The following HS6ST3 variants were observed in gnomAD, a reference collection of about 807,000 sequenced individuals.
HS6ST3 encodes the protein heparan sulfate 6-O-sulfotransferase 3.
HS6ST3 carries 12 observed loss-of-function variants against 36.7 expected under a neutral mutation model. The observed-to-expected ratio is 0.33, with a 90% CI of 0.21 to 0.53. The LOEUF (loss-of-function observed/expected upper bound fraction) is 0.53, where lower values mean the gene tolerates loss of function less well. Ranked by LOEUF, HS6ST3 falls within the 20% of genes least tolerant of loss-of-function variation. The pLI is 0.95. For missense variants in HS6ST3, 584 were observed against 640.9 expected (o/e 0.91, Z 0.96); for synonymous variants, 240 against 257.5 (o/e 0.93, Z 0.65).
chr13:96,108,122 A>G (rs938766763), intron 1 of HS6ST3, among the ~76,000 whole-genome samples: 25 of 152,226 alleles, frequency 1.6e-4, no homozygotes. Flanking sequence ...ATATCGCTGA[A>G]TTATTTCCCT....
intron 1 of HS6ST3, among the ~76,000 whole-genome samples, chr13:96,753,499 A>T (rs1221415520): frequency 6.6e-6 from 1 of 152,118 alleles, no homozygotes; most frequent in Non-Finnish European, 1.5e-5. Context: ...TTTGTTAACT[A>T]TACTTTCTTT....
At chr13:96,494,573 A>G (rs1484856113) in intron 1 of HS6ST3, among the ~76,000 whole-genome samples, 1 of 151,878 alleles carries the variant, frequency 6.6e-6, no homozygotes, top group East Asian at 1.9e-4. Flanking sequence ...CGATGTACCT[A>G]CTTAATCACA....
At chr13:96,601,638 A>G (rs752431985) in intron 1 of HS6ST3, among the ~76,000 whole-genome samples, 2 of 152,182 alleles carry the variant, frequency 1.3e-5, no homozygotes, top group Non-Finnish European at 2.9e-5. Context: ...ATTTGAATCT[A>G]CTGCTGGAGA....
chr13:96,384,387 A>G (rs147869356), intron 1 of HS6ST3, among the ~76,000 whole-genome samples: 18 of 152,282 alleles, frequency 1.2e-4, no homozygotes, highest in African/African-American at 4.3e-4. Context: ...ATATCCAAGA[A>G]TGTCAAGTAT....
chr13:96,306,339 T>G lies in HS6ST3; in HGVS notation c.707+214770T>G, dbSNP rs553832657. Among the ~76,000 whole-genome samples the G allele has an allele frequency of 2.6e-5, 4 of 152,106 alleles. No homozygotes were observed. In the South Asian group the frequency reaches 8.3e-4, roughly 32 times the overall value. On this transcript the variant is annotated intron_variant, in intron 1 of 1. Transcript: ENST00000376705. ...GGATAGTCTTGATCTCTTGATCTTG[T>G]GATCTGCCCACCTCGGCCTCCCAAA... is the stretch of plus-strand genomic sequence containing the variant.
intron 1 of HS6ST3, among the ~76,000 whole-genome samples, chr13:96,200,016 C>T (rs2054333463): frequency 6.6e-6 from 1 of 152,108 alleles, no homozygotes; most frequent in African/African-American, 2.4e-5. Context: ...TTTCGAGTCT[C>T]CAAATAGAAT....
In HS6ST3 at chr13:96,155,867, A is replaced by C. The variant is rs1287786914; in HGVS notation, c.707+64298A>C. 2.0e-5 allele frequency among the ~76,000 whole-genome samples: 3 copies of C among 152,208 alleles called. No homozygotes were observed. The East Asian group carries it at 5.8e-4, about 29-fold the overall frequency. ...TGGTAAATAAGTCACAGAGTTATGA[A>C]ACTTTTTTTTAAAGCTTACTGAAGA... is the stretch of plus-strand genomic sequence containing the variant. On this transcript the variant is annotated intron_variant, in intron 1 of 1. Coordinates refer to ENST00000376705, the MANE Select transcript of HS6ST3 (RefSeq NM_153456.4).
At chr13:96,343,169 C>A (rs1471875650) in intron 1 of HS6ST3, among the ~76,000 whole-genome samples, 2 of 152,228 alleles carry the variant, frequency 1.3e-5, no homozygotes, top group African/African-American at 4.8e-5. Flanking sequence ...TACCCTTTAT[C>A]CCTCCTGTAT....
At chr13:96,733,469 T>C (rs1876209235) in intron 1 of HS6ST3, among the ~76,000 whole-genome samples, 1 of 152,226 alleles carries the variant, frequency 6.6e-6, no homozygotes, top group Non-Finnish European at 1.5e-5. Flanking sequence ...AGCCATGTTC[T>C]CCAGTCATTT....
intron 1 of HS6ST3, among the ~76,000 whole-genome samples, chr13:96,587,498 G>T (rs1292983371): frequency 6.6e-6 from 1 of 152,172 alleles, no homozygotes; most frequent in South Asian, 2.1e-4. Context: ...GAAGTTCAAG[G>T]TTGGGCAACT....
intron 1 of HS6ST3, among the ~76,000 whole-genome samples, chr13:96,382,124 G>A (rs936381348): frequency 6.6e-6 from 1 of 152,120 alleles, no homozygotes; most frequent in African/African-American, 2.4e-5. Flanking sequence ...GCTGCGTTTG[G>A]TCCCTGTGAT....
intron 1 of HS6ST3, among the ~76,000 whole-genome samples, chr13:96,680,022 A>C (rs1398680224): frequency 6.6e-6 from 1 of 152,004 alleles, no homozygotes; most frequent in Non-Finnish European, 1.5e-5. Flanking sequence ...GTGGAAGGCC[A>C]CTCTGGGATG....
chr13:96,487,175 C>A (rs2055919509), intron 1 of HS6ST3, among the ~76,000 whole-genome samples: 1 of 151,842 alleles, frequency 6.6e-6, no homozygotes, highest in Admixed American at 6.6e-5. Context: ...GATCTGACTC[C>A]TTTTGTGTGT....
At chr13:96,299,918 G>C (rs1459845297) in intron 1 of HS6ST3, among the ~76,000 whole-genome samples, 1 of 152,010 alleles carries the variant, frequency 6.6e-6, no homozygotes, top group Non-Finnish European at 1.5e-5. Flanking sequence ...TTGACTCACA[G>C]CTCCACAGAC....
At chr13:96,158,995 G>A (rs889085649) in intron 1 of HS6ST3, among the ~76,000 whole-genome samples, 7 of 152,146 alleles carry the variant, frequency 4.6e-5, no homozygotes, top group African/African-American at 1.7e-4. Context: ...GAGAAGAGAA[G>A]GAAAGAGTTT....
chr13:96,343,718 T>G (rs1228689834), intron 1 of HS6ST3, among the ~76,000 whole-genome samples: 2 of 152,140 alleles, frequency 1.3e-5, no homozygotes, highest in Non-Finnish European at 2.9e-5. Context: ...TTCCTGCCAC[T>G]CCTTAATTAC....
chr13:96,654,556 C>G (rs1594828357), intron 1 of HS6ST3, among the ~76,000 whole-genome samples: 1 of 152,020 alleles, frequency 6.6e-6, no homozygotes. Flanking sequence ...CTGTTCTGTT[C>G]CCTTGGTCTA....
intron 1 of HS6ST3, among the ~76,000 whole-genome samples, chr13:96,489,956 C>T (rs2055936635): frequency 6.6e-6 from 1 of 152,216 alleles, no homozygotes; most frequent in Non-Finnish European, 1.5e-5. Context: ...AAATTTCATT[C>T]TATTTTCTTA....
intron 1 of HS6ST3, among the ~76,000 whole-genome samples, chr13:96,410,925 A>G (rs1031638510): frequency 1.3e-5 from 2 of 152,198 alleles, no homozygotes; most frequent in African/African-American, 4.8e-5. Context: ...TAATGAGAGA[A>G]TGCTTTGCTA....
Sources: allele counts gnomAD v4.1 joint callset (sites outside exome capture counted in the v4.1 genomes callset), GRCh38; gene constraint gnomAD v4.1.1; transcripts MANE v1.5; gene names NCBI Gene and HGNC (gene_info 2026-07-23, HGNC 2026-07-21).